EPHA5: variants seen among roughly 807,000 people sequenced by gnomAD.
EPHA5 encodes the protein ephrin type-A receptor 5.
EPHA5 carries 60 observed loss-of-function variants against 105.0 expected under a neutral mutation model. The ratio of observed to expected loss-of-function variants is 0.57; its 90% CI spans 0.46 to 0.71. The LOEUF is 0.71. Among genes scored for constraint, EPHA5 ranks in the 30% least tolerant of loss-of-function variants. The pLI, the probability that EPHA5 is intolerant of heterozygous loss-of-function variation, is 0.00. For missense variants in EPHA5, 1,218 were observed against 1,274.7 expected, an observed-to-expected ratio of 0.96 and a Z score of 0.68; for synonymous variants, 513 against 449.1, an observed-to-expected ratio of 1.14 and a Z score of -1.80.
intron 1 of EPHA5, among the ~76,000 whole-genome samples, chr4:65,668,106 A>G (rs759714562): frequency 7.9e-5 from 12 of 152,234 alleles, no homozygotes; most frequent in Non-Finnish European, 1.8e-4. Flanking sequence ...ATAAATACAC[A>G]TAAGCCTTTA....
At chr4:65,483,255 T>C (rs1206858637) in intron 5 of EPHA5, among the ~76,000 whole-genome samples, 1 of 152,216 alleles carries the variant, frequency 6.6e-6, no homozygotes, top group African/African-American at 2.4e-5. Flanking sequence ...TAATCCAGTC[T>C]ATCATTGTTG....
intron 13 of EPHA5, among the ~76,000 whole-genome samples, chr4:65,349,318 TG>T (rs1434443962): frequency 7.4e-6 from 1 of 135,004 alleles, no homozygotes; most frequent in Non-Finnish European, 1.6e-5. Flanking sequence ...ATTATCAAGT[TG>T]TTTTTTATGG....
chr4:65,387,248 A>G (rs565966827), intron 8 of EPHA5, among the ~76,000 whole-genome samples: 34 of 152,064 alleles, frequency 2.2e-4, no homozygotes, highest in Admixed American at 1.4e-3. Flanking sequence ...GGGTTATTTC[A>G]GAGTCCTCCT....
intron 5 of EPHA5, among the ~76,000 whole-genome samples, chr4:65,461,846 A>G (rs1246443974): frequency 6.6e-6 from 1 of 152,054 alleles, no homozygotes; most frequent in African/African-American, 2.4e-5. Flanking sequence ...TATAAAAAGG[A>G]GAAAAATGAG....
chr4:65,520,575 T>C (rs1734591202), intron 3 of EPHA5, among the ~76,000 whole-genome samples: 1 of 151,804 alleles, frequency 6.6e-6, no homozygotes. Flanking sequence ...GAAACTACCA[T>C]CAGAGTGAAC....
chr4:65,505,835 T>C (rs1732955959), intron 3 of EPHA5, among the ~76,000 whole-genome samples: 1 of 152,082 alleles, frequency 6.6e-6, no homozygotes. Flanking sequence ...TTTTGTGAAC[T>C]TTTCCTTTTA....
intron 5 of EPHA5, among the ~76,000 whole-genome samples, chr4:65,471,315 A>C (rs2149162197): frequency 6.6e-6 from 1 of 152,364 alleles, no homozygotes; most frequent in Non-Finnish European, 1.5e-5. Context: ...GTTTAAAATT[A>C]TTCAGTCTTT....
chr4:65,545,342 A>G (rs1431094976), intron 3 of EPHA5, among the ~76,000 whole-genome samples: 1 of 151,886 alleles, frequency 6.6e-6, no homozygotes, highest in Non-Finnish European at 1.5e-5. Flanking sequence ...AAACAGATGG[A>G]TTCTCCATTT....
intron 14 of EPHA5, among the ~76,000 whole-genome samples, chr4:65,337,176 G>A (rs1220324978): frequency 6.6e-6 from 1 of 151,894 alleles, no homozygotes; most frequent in African/African-American, 2.4e-5. Flanking sequence ...TCAAATCAGG[G>A]CAATGAGCAT....
rs1560437802 is a variant in EPHA5 at position 65,348,688 on chromosome 4, ATATATATAT to A, written c.2446-494_2446-486del. On this transcript the variant is annotated intron_variant, in intron 13 of 16. Coordinates refer to ENST00000613740, the MANE Select transcript of EPHA5 (RefSeq NM_001281766.3). ...TATATATATATATATATATATATAT[ATATATATAT>A]AAAATATATATGTGTGTGTATATAT... 9.9e-3 allele frequency among the ~76,000 whole-genome samples: 552 copies of A among 55,638 alleles called. 8 individuals are homozygous for A. The highest frequency in any genetic ancestry group is 0.016 in the Non-Finnish European group (448 of 28,434). The allele number at this position is 55,638 out of a possible 152,430, so 36.5% of individuals were successfully genotyped here.
chr4:65,408,960 C>T (rs900377056), intron 7 of EPHA5, among the ~76,000 whole-genome samples: 46 of 151,602 alleles, frequency 3.0e-4, no homozygotes, highest in African/African-American at 1.1e-3. Context: ...CAATGATAGA[C>T]TGGATTAAGA....
chr4:65,336,152 C>A (rs746021224), intron 14 of EPHA5, 27 bp from the exon 15 acceptor site: 4 of 1,552,326 alleles, frequency 2.6e-6, no homozygotes, highest in African/African-American at 1.4e-5. Context: ...AGAACCAGCA[C>A]CCCAACACCA....
chr4:65,495,633 C>T (rs902071781), intron 3 of EPHA5, 90 bp from the exon 4 acceptor site: 2 of 1,027,912 alleles, frequency 1.9e-6, no homozygotes, highest in African/African-American at 3.3e-5. Context: ...CTTGTATATG[C>T]AGATTACAGA....
intron 3 of EPHA5, among the ~76,000 whole-genome samples, chr4:65,600,547 C>T (rs1163074216): frequency 2.0e-5 from 3 of 151,976 alleles, no homozygotes; most frequent in Non-Finnish European, 4.4e-5. Context: ...TTCCCTGGAT[C>T]GATAATCAAT....
rs542127790 is a variant in EPHA5 at position 65,436,351 on chromosome 4, G to C, written c.1403-15786C>G. Among the ~76,000 whole-genome samples, 3 of 150,760 alleles carry C rather than the reference G, an allele frequency of 2.0e-5. No individual in the cohort carries two copies. In the South Asian group the frequency reaches 6.3e-4, roughly 32 times the overall value. Reference sequence around the variant, plus strand: ...ATCTACTAAAATAGTGCTATAAACAGACACACACACACACACAAAATGTAA... The same window carrying C: ...ATCTACTAAAATAGTGCTATAAACACACACACACACACACACAAAATGTAA... On this transcript the variant is annotated intron_variant, in intron 5 of 16. Coordinates refer to ENST00000613740, the MANE Select transcript of EPHA5 (RefSeq NM_001281766.3).
chr4:65,343,200 G>A (rs1212547158), intron 14 of EPHA5, among the ~76,000 whole-genome samples: 1 of 152,074 alleles, frequency 6.6e-6, no homozygotes, highest in African/African-American at 2.4e-5. Context: ...GACATTTAAA[G>A]TGTTTACTAT....
chr4:65,444,752 C>A (rs1345974593), intron 5 of EPHA5, among the ~76,000 whole-genome samples: 1 of 152,082 alleles, frequency 6.6e-6, no homozygotes, highest in Non-Finnish European at 1.5e-5. Flanking sequence ...ATTACCACTT[C>A]ATCACTATTT....
chr4:65,574,170 A>G, intron 3 of EPHA5: 2 of 1,606,378 alleles, frequency 1.2e-6, no homozygotes, highest in Non-Finnish European at 1.7e-6. Flanking sequence ...CGACACAGAA[A>G]AAGGGAAATA....
At chr4:65,549,494 G>T (rs1737688960) in intron 3 of EPHA5, among the ~76,000 whole-genome samples, 1 of 152,210 alleles carries the variant, frequency 6.6e-6, no homozygotes, top group African/African-American at 2.4e-5. Context: ...GCTAATAAAA[G>T]AAAGCAATGA....
Sources: gnomAD v4.1 joint callset for allele counts (sites outside exome capture counted in the v4.1 genomes callset) on GRCh38, gnomAD v4.1.1 for gene constraint, MANE v1.5 for transcripts, NCBI Gene and HGNC (gene_info 2026-07-23, HGNC 2026-07-21) for gene names.